The following CMSS1 variants were observed in gnomAD, a reference collection of about 807,000 sequenced individuals.
The protein encoded by CMSS1 is protein CMSS1.
A neutral mutation model predicts 43.5 loss-of-function variants in CMSS1; 33 were observed. The observed-to-expected ratio is 0.76, with a 90% CI of 0.57 to 1.01. CMSS1 has a LOEUF of 1.01. CMSS1 is among the 50% of genes least tolerant of loss of function. The pLI is 0.00. For synonymous variants in CMSS1, 115 were observed against 117.2 expected, an observed-to-expected ratio of 0.98 and a Z score of 0.12; for missense variants, 313 against 326.4, an observed-to-expected ratio of 0.96 and a Z score of 0.32.
At chr3:100,023,279 G>A (rs2064858294) in intron 1 of CMSS1, 1 of 152,536 alleles carries the variant, frequency 6.6e-6, no homozygotes, top group African/African-American at 2.4e-5. Context: ...CATAGTGCTT[G>A]TCAAAATGCT....
At chr3:99,820,214 G>A (rs1478589316) in intron 1 of CMSS1, among the ~76,000 whole-genome samples, 1 of 120,604 alleles carries the variant, frequency 8.3e-6, no homozygotes, top group East Asian at 2.4e-4. Context: ...TTTTTTTTTT[G>A]AGACGAAGTC....
chr3:100,025,635 T>C (rs1306740920), intron 1 of CMSS1: 1 of 152,208 alleles, frequency 6.6e-6, no homozygotes, highest in African/African-American at 2.4e-5. Flanking sequence ...AACAAGTCTT[T>C]GGGTTCATGT....
intron 1 of CMSS1, among the ~76,000 whole-genome samples, chr3:99,869,153 C>A (rs927442326): frequency 6.6e-6 from 1 of 152,154 alleles, no homozygotes; most frequent in Non-Finnish European, 1.5e-5. Context: ...GTTCTTGTCA[C>A]TTCTGGAAGG....
chr3:99,871,005 A>G (rs952858618), intron 1 of CMSS1, among the ~76,000 whole-genome samples: 1 of 152,184 alleles, frequency 6.6e-6, no homozygotes, highest in Non-Finnish European at 1.5e-5. Flanking sequence ...TTCACCAGGT[A>G]TACAAAGTCT....
chr3:99,969,619 AGAGAT>A (rs1708755506), intron 1 of CMSS1, among the ~76,000 whole-genome samples: 1 of 152,198 alleles, frequency 6.6e-6, no homozygotes, highest in Non-Finnish European at 1.5e-5. Context: ...ATGGTTTTCC[AGAGAT>A]TGGAGAGCAG....
intron 1 of CMSS1, among the ~76,000 whole-genome samples, chr3:99,968,122 C>T (rs777872864): frequency 1.3e-5 from 2 of 152,104 alleles, no homozygotes; most frequent in Non-Finnish European, 2.9e-5. Flanking sequence ...TCAAGGGCAC[C>T]TAGCCTTACG....
intron 1 of CMSS1, among the ~76,000 whole-genome samples, chr3:100,134,892 C>A (rs905269481): frequency 7.9e-5 from 12 of 152,146 alleles, no homozygotes; most frequent in African/African-American, 2.9e-4. Flanking sequence ...ATTTGAGAGG[C>A]AATATTGCAT....
intron 1 of CMSS1, among the ~76,000 whole-genome samples, chr3:99,871,790 C>T (rs1444406376): frequency 2.0e-5 from 3 of 152,158 alleles, no homozygotes; most frequent in Admixed American, 6.5e-5. Context: ...CTTTCCAGGG[C>T]ACCTCTCACC....
chr3:99,888,944 T>C (rs2107612022), intron 1 of CMSS1, among the ~76,000 whole-genome samples: 1 of 152,288 alleles, frequency 6.6e-6, no homozygotes, highest in Admixed American at 6.5e-5. Context: ...AGGAAGAGCA[T>C]CTTTTTTGTC....
At chr3:99,897,999 A>G (rs908060153) in intron 1 of CMSS1, 3 of 152,188 alleles carry the variant, frequency 2.0e-5, no homozygotes, top group Non-Finnish European at 4.4e-5. Flanking sequence ...GATTCCTCAT[A>G]CCAATGTTAC....
At position 99,936,037 on chromosome 3, in the gene CMSS1, A is replaced by C. The variant is rs1707654619; in HGVS notation, c.64+117994A>C. Among the ~76,000 whole-genome samples, 4 of 152,316 alleles carry C rather than the reference A, an allele frequency of 2.6e-5. No individual in the cohort carries two copies. In the South Asian group the frequency reaches 8.3e-4, roughly 32 times the overall value. On this transcript the variant is annotated intron_variant, in intron 1 of 9. Coordinates refer to ENST00000421999, the MANE Select transcript of CMSS1 (RefSeq NM_032359.4). ...CATTCTTTATTAATGTTGTATATTA[A>C]AAATTACTCTACATAGTTAGGTGCT...
intron 1 of CMSS1, among the ~76,000 whole-genome samples, chr3:99,936,058 G>A (rs1042463503): frequency 7.9e-5 from 12 of 151,914 alleles, no homozygotes; most frequent in Admixed American, 7.2e-4. Flanking sequence ...ACATAGTTAG[G>A]TGCTACTTAG....
At chr3:99,859,602 C>T (rs1449410315) in intron 1 of CMSS1, among the ~76,000 whole-genome samples, 1 of 152,154 alleles carries the variant, frequency 6.6e-6, no homozygotes, top group Non-Finnish European at 1.5e-5. Context: ...ACTTTGATAG[C>T]CTGATTATGA....
intron 1 of CMSS1, among the ~76,000 whole-genome samples, chr3:99,935,052 T>A (rs943010188): frequency 1.3e-5 from 2 of 152,114 alleles, no homozygotes; most frequent in African/African-American, 4.8e-5. Context: ...CCTCTGCCAA[T>A]AACCACAAAA....
intron 1 of CMSS1, among the ~76,000 whole-genome samples, chr3:99,910,114 C>G (rs1358814287): frequency 2.9e-5 from 4 of 136,282 alleles, no homozygotes; most frequent in African/African-American, 1.0e-4. Flanking sequence ...TGTCCAGAAC[C>G]TGTGAAATTC....
At position 100,178,872 on chromosome 3, in the gene CMSS1, A is replaced by G. The variant is rs1213762154; in HGVS notation, c.*484A>G. The G allele has an allele frequency of 1.3e-5, 2 of 155,780 alleles. No individual in the cohort carries two copies. The highest frequency in any genetic ancestry group is 4.8e-5 in the African/African-American group (2 of 41,450). The allele number at this position is 155,780 out of a possible 1,614,324, so 9.6% of individuals were successfully genotyped here. A position where few individuals can be genotyped will look rare whatever the true frequency, so the allele number is the denominator to read the frequency against. On this transcript the variant is annotated 3_prime_UTR_variant, in exon 10 of 10. Coordinates refer to ENST00000421999, the MANE Select transcript of CMSS1 (RefSeq NM_032359.4). ...AATCCATTCTCACATTGCTATAAAG[A>G]ACTACCCGAGACTGGGTAGATTATA...
intron 1 of CMSS1, among the ~76,000 whole-genome samples, chr3:99,845,393 G>T (rs961139995): frequency 2.0e-5 from 3 of 152,216 alleles, no homozygotes; most frequent in Non-Finnish European, 2.9e-5. Context: ...CGAGGACTTA[G>T]ACCAATGAAA....
Position 100,162,440 on chromosome 3 carries a change from C to A in CMSS1, c.355+8C>A, listed in dbSNP as rs1220981817. 4 of 1,605,604 alleles carry A rather than the reference C, an allele frequency of 2.5e-6. No individual in the cohort carries two copies. The highest frequency in any genetic ancestry group is 1.3e-5 in the African/African-American group (1 of 74,440). ...AAGAACTGAACCTGCCAGGTATAGC[C>A]AAGCTTCAATTTTCCTAAAGACAAG... On this transcript the variant is annotated splice_region_variant and intron_variant, in intron 4 of 9. Coordinates refer to ENST00000421999, the MANE Select transcript of CMSS1 (RefSeq NM_032359.4).
intron 1 of CMSS1, among the ~76,000 whole-genome samples, chr3:100,028,196 A>C (rs2064961816): frequency 6.6e-6 from 1 of 152,184 alleles, no homozygotes; most frequent in Admixed American, 6.6e-5. Flanking sequence ...CATTGAGTTA[A>C]ATGATATCAT....
Sources: allele counts gnomAD v4.1 joint callset (sites outside exome capture counted in the v4.1 genomes callset), GRCh38; gene constraint gnomAD v4.1.1; transcripts MANE v1.5; gene names NCBI Gene and HGNC (gene_info 2026-07-23, HGNC 2026-07-21).